Variants in IWS1 observed in about 807,000 individuals in gnomAD.
IWS1 encodes interacts with SUPT6H, CTD assembly factor 1, also known as protein IWS1 homolog.
In IWS1, 27 loss-of-function variants were observed where a neutral mutation model predicts 86.7. That is an observed-to-expected ratio of 0.31 (90% CI 0.23 to 0.43). The LOEUF (loss-of-function observed/expected upper bound fraction) is 0.43. IWS1 is among the 20% of genes least tolerant of loss of function. IWS1 has a pLI of 1.00. For missense variants in IWS1, 827 were observed against 1,000.8 expected, an observed-to-expected ratio of 0.83 and a Z score of 2.34; for synonymous variants, 313 against 335.1, an observed-to-expected ratio of 0.93 and a Z score of 0.72.
rs1473199121 is a variant in IWS1 at position 127,525,059 on chromosome 2, C to T, written c.34+1116G>A. Among the ~76,000 whole-genome samples, 3 of 120,256 alleles carry T rather than the reference C, an allele frequency of 2.5e-5. No individual in the cohort carries two copies. In the Admixed American group the frequency reaches 3.4e-4, roughly 13 times the overall value. 78.9% of individuals were successfully genotyped at this position (120,256 alleles called of 152,430 possible). A position where few individuals can be genotyped will look rare whatever the true frequency, so the allele number is the denominator to read the frequency against. On this transcript the variant is annotated intron_variant, in intron 1 of 13. Coordinates refer to ENST00000295321, the MANE Select transcript of IWS1 (RefSeq NM_017969.3). ...TACAGGTGTATGCCACCACACTCGGCTAATTTTTGCATTTTTTTGTAGAGA... is the reference window on the plus strand; with the variant it reads ...TACAGGTGTATGCCACCACACTCGGTTAATTTTTGCATTTTTTTGTAGAGA...
intron 5 of IWS1, among the ~76,000 whole-genome samples, chr2:127,502,103 C>A (rs1020014331): frequency 6.6e-6 from 1 of 152,022 alleles, no homozygotes; most frequent in Non-Finnish European, 1.5e-5. Flanking sequence ...AAACTTAAAC[C>A]ACTGTAATCT....
At chr2:127,504,070 A>G (rs1410310097) in intron 3 of IWS1, among the ~76,000 whole-genome samples, 1 of 152,212 alleles carries the variant, frequency 6.6e-6, no homozygotes, top group African/African-American at 2.4e-5. Context: ...TCCTTCTCCT[A>G]TAAGAACTGT....
intron 1 of IWS1, 141 bp downstream of exon 1, chr2:127,526,034 A>G: frequency 1.4e-6 from 1 of 726,070 alleles, no homozygotes. Context: ...AGCTGGTCAG[A>G]GGGCTCTTGC....
At chr2:127,492,391 C>T (rs1690275085) in intron 9 of IWS1, among the ~76,000 whole-genome samples, 1 of 151,886 alleles carries the variant, frequency 6.6e-6, no homozygotes, top group African/African-American at 2.4e-5. Flanking sequence ...ACTAAAAATA[C>T]AAAAATTAGC....
At position 127,523,671 on chromosome 2, in the gene IWS1, A is replaced by G; in HGVS notation, c.150+5T>C. On this transcript the variant is annotated splice_donor_5th_base_variant and intron_variant, in intron 2 of 13. Transcript: ENST00000295321. ...GCCCTCCCAAAGATGTTGGTTAGCC[A>G]ATACCTCTGAATGACGTTCTACACT... The G allele has an allele frequency of 1.3e-6, 2 of 1,593,550 alleles. No homozygotes were observed. The highest frequency in any genetic ancestry group is 1.7e-5 in the Admixed American group (1 of 58,994).
intron 9 of IWS1, 89 bp from the exon 10 acceptor site, chr2:127,492,177 C>G (rs1690262023): frequency 5.3e-6 from 4 of 756,010 alleles, no homozygotes; most frequent in Admixed American, 2.3e-5. Flanking sequence ...ACATTCACAA[C>G]AGAACAAATA....
chr2:127,511,284 A>T (rs1379856194), intron 2 of IWS1: 1 of 152,244 alleles, frequency 6.6e-6, no homozygotes, highest in East Asian at 1.9e-4. Flanking sequence ...ATGTGATCAA[A>T]GGACATTTTC....
rs752979031 is a variant in IWS1, at chr2:127,505,192, A to G, written c.711T>C (p.Ser237=). ...EEPPRHQASD[S]ENEELPKPRI... is the part of the protein sequence containing the mutation. ...GAGGTTTGGGAAGCTCCTCATTTTC[A>G]GAGTCACTGGCCTGGTGCCTTGGGG... Residue 237 remains serine (S), a synonymous_variant, in exon 3 of 14, where the codon TCT becomes TCC. Coordinates refer to ENST00000295321, the MANE Select transcript of IWS1 (RefSeq NM_017969.3). This position sits in a 1 kb window ranked among gnomAD's most constrained non-coding sequence, Gnocchi z 5.0. The G allele has an allele frequency of 1.5e-5, 24 of 1,612,596 alleles. No individual in the cohort carries two copies. Among genetic ancestry groups the G allele is most frequent in the Middle Eastern group, 1.6e-4 (1 of 6,080 alleles).
chr2:127,498,499 G>GT lies in IWS1; in HGVS notation c.1468-263dup, dbSNP rs143170050. Among the ~76,000 whole-genome samples the GT allele has an allele frequency of 2.8e-3, 428 of 152,284 alleles. 2 individuals are homozygous for GT. Among genetic ancestry groups the GT allele is most frequent in the African/African-American group, 9.0e-3 (372 of 41,558 alleles). ...CACAAACTGAAGCATACTATTCAGA[G>GT]TGGGTACAGGATAATGCTCTGCATC... On this transcript the variant is annotated intron_variant, in intron 5 of 13. Transcript: ENST00000295321.
intron 2 of IWS1, among the ~76,000 whole-genome samples, chr2:127,510,828 C>G (rs1318913649): frequency 6.6e-6 from 1 of 152,190 alleles, no homozygotes; most frequent in Non-Finnish European, 1.5e-5. Context: ...ACCATCAACC[C>G]TATGTGTTAC....
chr2:127,482,857 G>A (rs1237898273), intron 13 of IWS1: 1 of 152,094 alleles, frequency 6.6e-6, no homozygotes, highest in East Asian at 1.9e-4. Context: ...GAAATTAAGA[G>A]TGTGTGCTAC....
chr2:127,526,270 G>A lies in IWS1; in HGVS notation c.-62C>T, dbSNP rs993561269. The A allele has an allele frequency of 4.5e-6, 7 of 1,547,404 alleles. No individual in the cohort carries two copies. The highest frequency in any genetic ancestry group is 6.1e-6 in the Non-Finnish European group (7 of 1,147,340). On this transcript the variant is annotated 5_prime_UTR_variant, in exon 1 of 14. Transcript: ENST00000295321. ...GCGCCGCCCCCGTCACCTCCTTCCAGGCGGTGTGACCCCGGATGGCGCGGC... is the reference window on the plus strand; with the variant it reads ...GCGCCGCCCCCGTCACCTCCTTCCAAGCGGTGTGACCCCGGATGGCGCGGC...
At position 127,496,550 on chromosome 2, in the gene IWS1, T is replaced by TACACACACACACACACAC. The variant is rs36048775; in HGVS notation, c.1566-420_1566-403dup. On this transcript the variant is annotated intron_variant, in intron 6 of 13. Coordinates refer to ENST00000295321, the MANE Select transcript of IWS1 (RefSeq NM_017969.3). ...TAAACAGGTGTACCATATTTTATCA[T>TACACACACACACACACAC]ACACACACACACACACACACACACA... is the stretch of plus-strand genomic sequence containing the variant. Among the ~76,000 whole-genome samples the TACACACACACACACACAC allele has an allele frequency of 1.1e-3, 159 of 140,426 alleles. 1 individual carries two copies. Among genetic ancestry groups the TACACACACACACACACAC allele is most frequent in the East Asian group, 3.2e-3 (15 of 4,662 alleles). 92.1% of individuals were successfully genotyped at this position (140,426 alleles called of 152,430 possible).
intron 3 of IWS1, among the ~76,000 whole-genome samples, chr2:127,504,237 G>A (rs1168636980): frequency 2.6e-5 from 4 of 152,186 alleles, no homozygotes; most frequent in African/African-American, 9.6e-5. Flanking sequence ...AAGCTTCCCT[G>A]TATCTGAATA....
intron 2 of IWS1, among the ~76,000 whole-genome samples, chr2:127,513,689 C>T (rs1691597759): frequency 6.6e-6 from 1 of 151,650 alleles, no homozygotes; most frequent in South Asian, 2.1e-4. Context: ...AAATGGGTTA[C>T]CATATAAAAT....
At chr2:127,523,570 G>A in intron 2 of IWS1, 106 bp downstream of exon 2, 1 of 733,146 alleles carries the variant, frequency 1.4e-6, no homozygotes, top group Non-Finnish European at 2.3e-6. Flanking sequence ...TACTCTCAGA[G>A]ATTAAACCCT....
intron 9 of IWS1, 40 bp downstream of exon 9, chr2:127,493,241 A>T: frequency 6.3e-7 from 1 of 1,577,910 alleles, no homozygotes; most frequent in South Asian, 1.2e-5. Context: ...AGACCACATT[A>T]GATAATTAAT....
At chr2:127,519,185 G>C (rs1193031606) in intron 2 of IWS1, among the ~76,000 whole-genome samples, 1 of 152,070 alleles carries the variant, frequency 6.6e-6, no homozygotes, top group Non-Finnish European at 1.5e-5. Flanking sequence ...CATTAGGCAG[G>C]GCCATCAATG....
In IWS1 at chr2:127,483,191, T is replaced by C. The variant is rs548953350; in HGVS notation, c.2329-2016A>G. Among the ~76,000 whole-genome samples, 9 of 152,290 alleles carry C rather than the reference T, an allele frequency of 5.9e-5. No homozygotes were observed. The Middle Eastern group carries it at 0.01, about 173-fold the overall frequency. ...GTATTTTTAAAAGTTCATGAAAAAA[T>C]AGGCATTCCTTTGTCATTTTACTGT... On this transcript the variant is annotated intron_variant, in intron 13 of 13. Transcript: ENST00000295321.
Sources: allele counts gnomAD v4.1 joint callset (sites outside exome capture counted in the v4.1 genomes callset), GRCh38; gene constraint gnomAD v4.1.1; non-coding constraint Gnocchi (gnomAD v3.1); transcripts MANE v1.5; gene names NCBI Gene and HGNC (gene_info 2026-07-23, HGNC 2026-07-21).